GRIA4: variants seen among roughly 807,000 people sequenced by gnomAD.
GRIA4 encodes glutamate receptor 4.
GRIA4 carries 34 observed loss-of-function variants against 104.0 expected under a neutral mutation model. The ratio of observed to expected loss-of-function variants is 0.33; its 90% confidence interval spans 0.25 to 0.44. GRIA4 has a LOEUF of 0.44. Among genes scored for constraint, GRIA4 ranks in the 20% least tolerant of loss-of-function variants. The pLI is 1.00. For synonymous variants in GRIA4, 386 were observed against 381.9 expected (o/e 1.01, Z -0.13); for missense variants, 750 against 1,096.5 (o/e 0.68, Z 4.46).
intron 3 of GRIA4, among the ~76,000 whole-genome samples, chr11:105,634,531 A>AG (rs1218662237): frequency 4.4e-4 from 54 of 122,548 alleles, no homozygotes; most frequent in African/African-American, 1.4e-3. Context: ...AAAGAAAGAA[A>AG]AGAAAGAAAA....
chr11:105,655,920 A>C (rs986875516), intron 3 of GRIA4, among the ~76,000 whole-genome samples: 1 of 152,138 alleles, frequency 6.6e-6, no homozygotes, highest in Non-Finnish European at 1.5e-5. Context: ...TGTCTTCAAC[A>C]ATGGTTGAAC....
At chr11:105,635,973 A>G (rs1240469422) in intron 3 of GRIA4, among the ~76,000 whole-genome samples, 2 of 152,220 alleles carry the variant, frequency 1.3e-5, no homozygotes, top group African/African-American at 4.8e-5. Context: ...AGAGAGCTGA[A>G]TATTTCATAT....
At chr11:105,886,928 CA>C (rs1450171625) in intron 5 of GRIA4, among the ~76,000 whole-genome samples, 1 of 149,754 alleles carries the variant, frequency 6.7e-6, no homozygotes, top group African/African-American at 2.4e-5. Flanking sequence ...AAGAATCCAA[CA>C]GAGAGAAAAG....
intron 3 of GRIA4, among the ~76,000 whole-genome samples, chr11:105,719,308 A>C (rs1954212352): frequency 6.6e-6 from 1 of 152,198 alleles, no homozygotes; most frequent in Non-Finnish European, 1.5e-5. Flanking sequence ...CGGAGCGATT[A>C]GGTAAACATA....
intron 3 of GRIA4, among the ~76,000 whole-genome samples, chr11:105,659,436 C>A (rs756919220): frequency 1.3e-5 from 2 of 151,808 alleles, no homozygotes; most frequent in Non-Finnish European, 2.9e-5. Context: ...ACCCAGAATA[C>A]CTGGAATTGC....
Position 105,979,713 on chromosome 11 carries a change from G to T in GRIA4, c.2683G>T (p.Ala895Ser), listed in dbSNP as rs777587625. ...TGCAATCAGACAAAGTTCAGGATTG[G>T]CTGTCATTGCATCGGACCTACCATA... ...GTAIRQSSGLAVIASDLP is the reference protein window; with the variant it reads ...GTAIRQSSGLSVIASDLP The change falls in exon 17 of 17, where the codon GCT becomes TCT. Residue 895 changes from alanine to serine, a missense_variant. By Grantham distance (99) the Ala-to-Ser change is moderately conservative. Coordinates refer to ENST00000282499, the MANE Select transcript of GRIA4 (RefSeq NM_000829.4). 1 of 1,613,926 alleles carries T rather than the reference G, an allele frequency of 6.2e-7. No individual in the cohort carries two copies. The highest frequency in any genetic ancestry group is 2.2e-5 in the East Asian group (1 of 44,876).
chr11:105,828,952 T>C (rs1809691589), intron 4 of GRIA4, among the ~76,000 whole-genome samples: 1 of 151,956 alleles, frequency 6.6e-6, no homozygotes, highest in African/African-American at 2.4e-5. Flanking sequence ...TTGCTGATAT[T>C]AAAAATTAAA....
rs1194970445 is a variant in GRIA4, at chr11:105,753,084, C to T, written c.351C>T (p.Leu117=). The T allele has an allele frequency of 1.2e-6, 2 of 1,613,876 alleles. No homozygotes were observed. Among genetic ancestry groups the T allele is most frequent in the Non-Finnish European group, 8.5e-7 (1 of 1,179,868 alleles). ...TSFCSALHIS[L]ITPSFPTEGE... is the part of the protein sequence containing the mutation. ...TCTGCAGCGCCTTACATATCTCCCTCATCACACCAAGTTTCCCTACTGAGG... is the reference window on the plus strand; with the variant it reads ...TCTGCAGCGCCTTACATATCTCCCTTATCACACCAAGTTTCCCTACTGAGG... The change falls in exon 4 of 17, where the codon CTC becomes CTT. Residue 117 remains leucine, a synonymous_variant. Transcript: ENST00000282499.
chr11:105,795,689 T>C (rs1449200928), intron 4 of GRIA4, among the ~76,000 whole-genome samples: 3 of 152,154 alleles, frequency 2.0e-5, no homozygotes, highest in African/African-American at 7.2e-5. Flanking sequence ...AAAGCAACAC[T>C]TAATGGTTGT....
intron 14 of GRIA4, chr11:105,945,499 A>C (rs1280541611): frequency 4.2e-5 from 40 of 954,904 alleles, no homozygotes; most frequent in Non-Finnish European, 4.5e-5. Flanking sequence ...CTCCAGGACC[A>C]AGGTAAGAGG....
intron 2 of GRIA4, among the ~76,000 whole-genome samples, chr11:105,611,598 C>T (rs893827336): frequency 2.2e-4 from 33 of 152,146 alleles, no homozygotes; most frequent in African/African-American, 7.7e-4. Context: ...AAGTTAGATC[C>T]CTTTCCTGGA....
intron 3 of GRIA4, among the ~76,000 whole-genome samples, chr11:105,689,916 T>G (rs746107528): frequency 6.6e-6 from 1 of 152,176 alleles, no homozygotes; most frequent in East Asian, 1.9e-4. Flanking sequence ...TATTTCTTAC[T>G]TTGAAGCTTA....
chr11:105,815,859 C>G (rs1943355553), intron 4 of GRIA4, among the ~76,000 whole-genome samples: 1 of 152,158 alleles, frequency 6.6e-6, no homozygotes, highest in Admixed American at 6.5e-5. Context: ...ACAGACATTT[C>G]ATATGATTTA....
At chr11:105,883,354 C>T (rs149136334) in intron 5 of GRIA4, among the ~76,000 whole-genome samples, 2,235 of 150,476 alleles carry the variant, frequency 0.015, 115 homozygotes, top group Admixed American at 0.098. Context: ...TGTATACATG[C>T]GCCATGTTGG....
At chr11:105,653,999 CAAAAAAAAAAAAAAAA>C in intron 3 of GRIA4, among the ~76,000 whole-genome samples, 1 of 50,262 alleles carries the variant, frequency 2.0e-5, no homozygotes, top group African/African-American at 7.9e-5. Flanking sequence ...ACTATTTAGC[CAAAAAAAAAAAAAAAA>C]AAAAAAAAAA....
At chr11:105,723,095 C>T (rs552583479) in intron 3 of GRIA4, among the ~76,000 whole-genome samples, 2 of 152,048 alleles carry the variant, frequency 1.3e-5, no homozygotes, top group African/African-American at 2.4e-5. Context: ...AGAAGTAGAC[C>T]GCTGGCTAAA....
intron 3 of GRIA4, among the ~76,000 whole-genome samples, chr11:105,653,724 C>T (rs889728987): frequency 2.0e-5 from 3 of 151,476 alleles, no homozygotes; most frequent in African/African-American, 4.9e-5. Flanking sequence ...CAGAAATGTT[C>T]CCAGGATGTG....
At chr11:105,727,039 A>G (rs928293491) in intron 3 of GRIA4, among the ~76,000 whole-genome samples, 4 of 152,102 alleles carry the variant, frequency 2.6e-5, no homozygotes, top group Admixed American at 2.6e-4. Context: ...AATGAGTTTG[A>G]CAAATTGACA....
intron 10 of GRIA4, among the ~76,000 whole-genome samples, chr11:105,916,499 CTT>C (rs1947409947): frequency 6.6e-6 from 1 of 152,154 alleles, no homozygotes; most frequent in East Asian, 1.9e-4. Flanking sequence ...ATTATAGTGA[CTT>C]TGATTGCAAG....
Sources: allele counts gnomAD v4.1 joint callset (sites outside exome capture counted in the v4.1 genomes callset), GRCh38; gene constraint gnomAD v4.1.1; transcripts MANE v1.5; gene names NCBI Gene and HGNC (gene_info 2026-07-23, HGNC 2026-07-21).